The following CREB3L2 variants were observed in gnomAD, a reference collection of about 807,000 sequenced individuals.
CREB3L2 encodes the protein cAMP responsive element binding protein 3 like 2.
In CREB3L2, 23 loss-of-function variants were observed where a neutral mutation model predicts 57.2. That is an observed-to-expected ratio of 0.40 (90% CI 0.29 to 0.57). The LOEUF (loss-of-function observed/expected upper bound fraction) is 0.57, where lower values mean the gene tolerates loss of function less well. CREB3L2 is among the 20% of genes least tolerant of loss of function. The probability of loss-of-function intolerance (pLI) is 0.42; values close to 1 mark genes in which losing one functional copy is unlikely to be tolerated. For missense variants in CREB3L2, 628 were observed against 634.7 expected, an observed-to-expected ratio of 0.99 and a Z score of 0.11; for synonymous variants, 268 against 265.1, an observed-to-expected ratio of 1.01 and a Z score of -0.11.
intron 2 of CREB3L2, among the ~76,000 whole-genome samples, chr7:137,920,800 C>CCAG (rs1360521562): frequency 1.3e-5 from 2 of 152,162 alleles, no homozygotes; most frequent in African/African-American, 4.8e-5. Context: ...GAACAGCATT[C>CCAG]CAGTGGTAGC....
At chr7:137,988,863 G>C (rs2117324771) in intron 1 of CREB3L2, among the ~76,000 whole-genome samples, 1 of 152,046 alleles carries the variant, frequency 6.6e-6, no homozygotes, top group Non-Finnish European at 1.5e-5. Context: ...AGAGGTGGAG[G>C]GGGCAGGATG....
intron 1 of CREB3L2, among the ~76,000 whole-genome samples, chr7:137,940,498 G>A (rs1800864012): frequency 6.6e-6 from 1 of 152,072 alleles, no homozygotes; most frequent in African/African-American, 2.4e-5. Flanking sequence ...AGAAAACTGA[G>A]GTCCAAAATG....
chr7:137,956,610 C>T, intron 1 of CREB3L2: 1 of 1,289,042 alleles, frequency 7.8e-7, no homozygotes, highest in South Asian at 1.2e-5. Context: ...ACACGGACAG[C>T]CATGCCGAAT....
chr7:137,940,967 C>T lies in CREB3L2; in HGVS notation c.103-12601G>A, dbSNP rs1357469301. ...CAAGATAAGAGCTAAGGGAATCCCG[C>T]AGGTCAGCAAATGGGAGACCAGGAA... On this transcript the variant is annotated intron_variant, in intron 1 of 11. Transcript: ENST00000330387. Among the ~76,000 whole-genome samples, 3 of 152,240 alleles carry T rather than the reference C, an allele frequency of 2.0e-5. No homozygotes were observed. The East Asian group carries it at 5.8e-4, about 29-fold the overall frequency.
intron 1 of CREB3L2, among the ~76,000 whole-genome samples, chr7:137,997,960 A>G (rs1585685927): frequency 6.6e-6 from 1 of 152,222 alleles, no homozygotes; most frequent in Non-Finnish European, 1.5e-5. Flanking sequence ...TTTAGCCTGT[A>G]TTCCATCTTG....
chr7:137,900,289 T>C (rs1209710816), intron 8 of CREB3L2, among the ~76,000 whole-genome samples: 1 of 152,156 alleles, frequency 6.6e-6, no homozygotes, highest in African/African-American at 2.4e-5. Flanking sequence ...TCACCTAGAC[T>C]TTCCGAGTTT....
intron 1 of CREB3L2, among the ~76,000 whole-genome samples, chr7:137,974,793 G>T (rs939976612): frequency 2.6e-5 from 4 of 152,210 alleles, no homozygotes; most frequent in Non-Finnish European, 4.4e-5. Context: ...GCCTGCCCCA[G>T]TGAATGTTTG....
intron 1 of CREB3L2, among the ~76,000 whole-genome samples, chr7:137,986,967 C>A (rs778001909): frequency 6.6e-6 from 1 of 152,244 alleles, no homozygotes; most frequent in Non-Finnish European, 1.5e-5. Context: ...ATGCAGGTAA[C>A]ATCACAGCTG....
chr7:137,912,954 T>C (rs760544277), intron 4 of CREB3L2, 37 bp downstream of exon 4: 1 of 1,611,380 alleles, frequency 6.2e-7, no homozygotes, highest in Non-Finnish European at 8.5e-7. Flanking sequence ...AGAGACCATA[T>C]CCATAACCCA....
At chr7:137,944,920 TCTTGCTCTGTAGACCAGG>T in intron 1 of CREB3L2, among the ~76,000 whole-genome samples, 1 of 152,170 alleles carries the variant, frequency 6.6e-6, no homozygotes, top group Non-Finnish European at 1.5e-5. Context: ...TGAGACAGAG[TCTTGCTCTGTAGACCAGG>T]CTGGAGTGCA....
At chr7:137,891,042 G>C (rs1315353902) in intron 8 of CREB3L2, among the ~76,000 whole-genome samples, 1 of 152,336 alleles carries the variant, frequency 6.6e-6, no homozygotes, top group Non-Finnish European at 1.5e-5. Flanking sequence ...TCTTAATTTA[G>C]AGAAAGGAAT....
chr7:137,927,836 A>G (rs1448600848), intron 2 of CREB3L2, among the ~76,000 whole-genome samples: 1 of 151,536 alleles, frequency 6.6e-6, no homozygotes, highest in Non-Finnish European at 1.5e-5. Flanking sequence ...GACTTACTGT[A>G]CTGGTAGGAA....
chr7:137,925,939 A>G (rs982434472), intron 2 of CREB3L2, among the ~76,000 whole-genome samples: 3 of 152,346 alleles, frequency 2.0e-5, no homozygotes, highest in Admixed American at 1.3e-4. Flanking sequence ...TCAGCAAATT[A>G]CCAGCACGGC....
At chr7:137,934,197 T>G (rs1351919199) in intron 1 of CREB3L2, among the ~76,000 whole-genome samples, 1 of 152,210 alleles carries the variant, frequency 6.6e-6, no homozygotes, top group Non-Finnish European at 1.5e-5. Flanking sequence ...TTGTCCAAGA[T>G]CTCTGTCCCC....
In CREB3L2 at chr7:138,001,385, G is replaced by C. The variant is rs1042002431; in HGVS notation, c.102+219C>G. 5.3e-5 allele frequency among the ~76,000 whole-genome samples: 8 copies of C among 152,156 alleles called. No homozygotes were observed. The highest frequency in any genetic ancestry group is 1.9e-4 in the African/African-American group (8 of 41,436). ...AGGGAAAAAAGCATGAATTGTTAAAGGAATACAAAGTGGCATTACTCTCAT... is the reference window on the plus strand; with the variant it reads ...AGGGAAAAAAGCATGAATTGTTAAACGAATACAAAGTGGCATTACTCTCAT... On this transcript the variant is annotated intron_variant, in intron 1 of 11. Transcript: ENST00000330387. The surrounding 1 kb of genome is among the most constrained non-coding windows in gnomAD (Gnocchi z 4.2).
At chr7:137,916,673 C>T (rs1294928176) in intron 2 of CREB3L2, among the ~76,000 whole-genome samples, 1 of 150,174 alleles carries the variant, frequency 6.7e-6, no homozygotes, top group Admixed American at 6.7e-5. Context: ...GCTGTGATCA[C>T]ATCATTGTAC....
intron 1 of CREB3L2, among the ~76,000 whole-genome samples, chr7:137,958,831 TC>T (rs1270663534): frequency 6.6e-6 from 1 of 152,176 alleles, no homozygotes; most frequent in East Asian, 1.9e-4. Flanking sequence ...GGTGAGTGGA[TC>T]TGGTCAGGAT....
At chr7:137,987,192 T>C (rs1042586041) in intron 1 of CREB3L2, among the ~76,000 whole-genome samples, 2 of 152,194 alleles carry the variant, frequency 1.3e-5, no homozygotes, top group Non-Finnish European at 2.9e-5. Context: ...ACTACAAAGA[T>C]CGGAGTCAGG....
chr7:137,893,012 C>G (rs192649696), intron 8 of CREB3L2, among the ~76,000 whole-genome samples: 100 of 152,078 alleles, frequency 6.6e-4, no homozygotes, highest in African/African-American at 2.3e-3. Flanking sequence ...TGAGTAAATA[C>G]CTATATGTTT....
Sources: allele counts gnomAD v4.1 joint callset (sites outside exome capture counted in the v4.1 genomes callset), GRCh38; gene constraint gnomAD v4.1.1; non-coding constraint Gnocchi (gnomAD v3.1); transcripts MANE v1.5; gene names NCBI Gene and HGNC (gene_info 2026-07-23, HGNC 2026-07-21).